The following ATP13A3 variants were observed in gnomAD, a reference collection of about 807,000 sequenced individuals.
The protein encoded by ATP13A3 is ATPase 13A3.
A neutral mutation model predicts 158.1 loss-of-function variants in ATP13A3; 59 were observed. That is an observed-to-expected ratio of 0.37 (90% CI 0.30 to 0.46). The LOEUF is 0.46. ATP13A3 is among the 20% of genes least tolerant of loss of function. The pLI, the probability that ATP13A3 is intolerant of heterozygous loss-of-function variation, is 1.00. For synonymous variants in ATP13A3, 491 were observed against 504.3 expected (o/e 0.97, Z 0.35); for missense variants, 1,166 against 1,525.2 (o/e 0.76, Z 3.92).
chr3:194,486,371 C>A (rs1030600890), intron 1 of ATP13A3, among the ~76,000 whole-genome samples, 195 bp downstream of exon 1: 2 of 151,890 alleles, frequency 1.3e-5, no homozygotes, highest in Non-Finnish European at 2.9e-5. Flanking sequence ...GCGCGTCCCC[C>A]CCAGGCCTTC....
At chr3:194,406,789 A>C (rs1714970981) in intron 33 of ATP13A3, among the ~76,000 whole-genome samples, 1 of 152,200 alleles carries the variant, frequency 6.6e-6, no homozygotes, top group African/African-American at 2.4e-5. Context: ...CGTTTGGTCA[A>C]AATTAGGGCT....
At position 194,421,536 on chromosome 3, in the gene ATP13A3, G is replaced by A. The variant is rs1261535741; in HGVS notation, c.3314-1569C>T. On this transcript the variant is annotated intron_variant, in intron 30 of 33. Transcript: ENST00000645319. ...CCACTCCACTCTAGCCTGGGTGACA[G>A]AGCGAGACTCCATCTCAAAAAAAAA... is the stretch of plus-strand genomic sequence containing the variant. 2.3e-5 allele frequency among the ~76,000 whole-genome samples: 3 copies of A among 129,840 alleles called. No individual in the cohort carries two copies. The Admixed American group carries it at 2.5e-4, about 11-fold the overall frequency. The allele number at this position is 129,840 out of a possible 152,430, so 85.2% of individuals were successfully genotyped here. A position where few individuals can be genotyped will look rare whatever the true frequency, so the allele number is the denominator to read the frequency against.
At chr3:194,472,936 T>C (rs1022578788) in intron 2 of ATP13A3, among the ~76,000 whole-genome samples, 4 of 152,098 alleles carry the variant, frequency 2.6e-5, no homozygotes, top group Non-Finnish European at 5.9e-5. Context: ...CACTTGTAAG[T>C]GGGATCTAAA....
At chr3:194,477,206 T>C (rs900614098) in intron 2 of ATP13A3, among the ~76,000 whole-genome samples, 2 of 152,302 alleles carry the variant, frequency 1.3e-5, no homozygotes, top group African/African-American at 2.4e-5. Context: ...TAAGCTTTGA[T>C]TGTCCCTTCC....
chr3:194,451,208 CTT>C (rs913881252), intron 10 of ATP13A3: 1 of 152,222 alleles, frequency 6.6e-6, no homozygotes, highest in Admixed American at 6.5e-5. Flanking sequence ...GAGGGAACAA[CTT>C]TTAAAGAATG....
Position 194,428,860 on chromosome 3 carries a change from C to T in ATP13A3, c.2932G>A (p.Val978Ile), listed in dbSNP as rs765967051. 5.3e-5 allele frequency: 85 copies of T among 1,594,832 alleles called. 1 individual carries two copies. The Admixed American group carries it at 6.4e-4, about 12-fold the overall frequency. Residue 978 changes from valine to isoleucine, a missense_variant, in exon 28 of 34, where the codon GTA becomes ATA. Coordinates refer to ENST00000645319, the MANE Select transcript of ATP13A3 (RefSeq NM_001367549.1). ...FLFIDLAIIL[V>I]VVFTMSLNPA... is the part of the protein sequence containing the mutation. ...AAATACTCACTTGTAAATACCACTA[C>T]CAAAATGATTGCCAGATCAATGAAG...
chr3:194,476,613 T>C (rs762586773), intron 2 of ATP13A3, among the ~76,000 whole-genome samples: 1 of 152,178 alleles, frequency 6.6e-6, no homozygotes, highest in Non-Finnish European at 1.5e-5. Flanking sequence ...CAGCTTTGCC[T>C]TGATTCAGGT....
rs34952393 is a variant in ATP13A3 at position 194,410,937 on chromosome 3, G to GGTGTGTGTGT, written c.3573+1252_3573+1261dup. ...GGGGGTGGGAGGGTTGGGGTGTTGGGGTGTGTGTGTGTGTGTGTGTGTGTG... is the reference window on the plus strand; with the variant it reads ...GGGGGTGGGAGGGTTGGGGTGTTGGGGTGTGTGTGTGTGTGTGTGTGTGTGTGTGTGTGTG... On this transcript the variant is annotated intron_variant, in intron 33 of 33. Coordinates refer to ENST00000645319, the MANE Select transcript of ATP13A3 (RefSeq NM_001367549.1). Among the ~76,000 whole-genome samples the GGTGTGTGTGT allele has an allele frequency of 1.8e-3, 231 of 127,276 alleles. 1 individual carries two copies. Among genetic ancestry groups the GGTGTGTGTGT allele is most frequent in the African/African-American group, 5.7e-3 (174 of 30,610 alleles). The allele number at this position is 127,276 out of a possible 152,430, so 83.5% of individuals were successfully genotyped here.
In ATP13A3 at chr3:194,403,207, T is replaced by C. The variant is rs1285360494; in HGVS notation, c.*2712A>G. On this transcript the variant is annotated 3_prime_UTR_variant, in exon 34 of 34. Transcript: ENST00000645319. ...AAACTGTGCAGGACTTTCATAAACA[T>C]GGGGAACAAAATAAATAGAGTAAAA... The C allele has an allele frequency of 6.6e-6, 1 of 152,218 alleles. No individual in the cohort carries two copies. Among genetic ancestry groups the C allele is most frequent in the African/African-American group, 2.4e-5 (1 of 41,464 alleles). The allele number at this position is 152,218 out of a possible 1,614,324, so 9.4% of individuals were successfully genotyped here.
chr3:194,443,542 T>C (rs1318015645), intron 15 of ATP13A3, among the ~76,000 whole-genome samples: 1 of 152,086 alleles, frequency 6.6e-6, no homozygotes, highest in Non-Finnish European at 1.5e-5. Flanking sequence ...AAAGCTGGTA[T>C]AGAGCTATAT....
chr3:194,418,132 A>G (rs1716020385), intron 31 of ATP13A3, among the ~76,000 whole-genome samples: 1 of 152,198 alleles, frequency 6.6e-6, no homozygotes. Context: ...TTGCTGAAAC[A>G]AATGGGTATG....
rs186526077 is a variant in ATP13A3 at position 194,417,285 on chromosome 3, G to A, written c.3402+2594C>T. On this transcript the variant is annotated intron_variant, in intron 31 of 33. Coordinates refer to ENST00000645319, the MANE Select transcript of ATP13A3 (RefSeq NM_001367549.1). Reference sequence around the variant, plus strand: ...AGAATAGAAAAAATTAGAGCCAGGCGTTGTGGCAGGTGCCAGCTACTCGTG... The same window carrying A: ...AGAATAGAAAAAATTAGAGCCAGGCATTGTGGCAGGTGCCAGCTACTCGTG... Among the ~76,000 whole-genome samples, 239 of 152,044 alleles carry A rather than the reference G, an allele frequency of 1.6e-3. 1 individual carries two copies. Among genetic ancestry groups the A allele is most frequent in the African/African-American group, 5.4e-3 (225 of 41,448 alleles).
At position 194,438,901 on chromosome 3, in the gene ATP13A3, G is replaced by A. The variant is rs904095807; in HGVS notation, c.1782C>T (p.Pro594=). The A allele has an allele frequency of 6.2e-7, 1 of 1,610,522 alleles. No individual in the cohort carries two copies. Among genetic ancestry groups the A allele is most frequent in the African/African-American group, 1.3e-5 (1 of 74,674 alleles). The change falls in exon 17 of 34, where the codon CCC becomes CCT. Residue 594 remains proline, a synonymous_variant. Coordinates refer to ENST00000645319, the MANE Select transcript of ATP13A3 (RefSeq NM_001367549.1). ...GGGTAGATTCAGGAAGCAGTTGTTT[G>A]GGAGGACGAACCACTGTGGGCATAA... ...NRIMPTVVRP[P]KQLLPESTPA...
intron 14 of ATP13A3, among the ~76,000 whole-genome samples, chr3:194,445,471 G>C (rs1284831210): frequency 6.6e-6 from 1 of 152,164 alleles, no homozygotes; most frequent in Non-Finnish European, 1.5e-5. Flanking sequence ...AATAATGTCT[G>C]ATGCTGTCCC....
At chr3:194,431,973 C>G in intron 21 of ATP13A3, 81 bp from the exon 22 acceptor site, 1 of 1,164,362 alleles carries the variant, frequency 8.6e-7, no homozygotes, top group Non-Finnish European at 1.2e-6. Context: ...TGAGAATCTA[C>G]TACAGTCTCC....
chr3:194,457,229 T>G, intron 6 of ATP13A3, 55 bp from the exon 7 acceptor site: 1 of 1,368,452 alleles, frequency 7.3e-7, no homozygotes, highest in South Asian at 1.2e-5. Flanking sequence ...CCAAATTTCT[T>G]AACGCCTCAT....
intron 23 of ATP13A3, 22 bp from the exon 24 acceptor site, chr3:194,431,044 T>C (rs1354735657): frequency 1.9e-6 from 3 of 1,613,410 alleles, no homozygotes; most frequent in Non-Finnish European, 2.5e-6. Context: ...AATACAAATT[T>C]TTTTAAAATA....
intron 27 of ATP13A3, among the ~76,000 whole-genome samples, chr3:194,429,460 A>G (rs1717059007): frequency 6.6e-6 from 1 of 152,144 alleles, no homozygotes; most frequent in Non-Finnish European, 1.5e-5. Flanking sequence ...CCAAATGCAA[A>G]CCATTCTCCA....
At position 194,455,928 on chromosome 3, in the gene ATP13A3, T is replaced by C. The variant is rs1234007409; in HGVS notation, c.595A>G (p.Lys199Glu). ...AGAAGCTTAAAAACAGAAGGCACTT[T>C]TACAGCAATTTCATTTACTCCATAA... ...LLYGVNEIAV[K>E]VPSVFKLLIK... is the part of the protein sequence containing the mutation. The change falls in exon 8 of 34, where the codon AAA (lysine) becomes GAA (glutamate). Residue 199 changes from lysine (K) to glutamate (E), a missense_variant. Lys to Glu is a moderately conservative substitution (Grantham distance 56, BLOSUM62 1). This residue lies in a region of ATP13A3 where 997 missense variants were observed against 1,341.2 expected (regional missense o/e 0.74). Transcript: ENST00000645319. 2.6e-6 allele frequency: 4 copies of C among 1,554,578 alleles called. No individual in the cohort carries two copies. The highest frequency in any genetic ancestry group is 3.5e-6 in the Non-Finnish European group (4 of 1,142,588).
Sources: allele counts gnomAD v4.1 joint callset (sites outside exome capture counted in the v4.1 genomes callset), GRCh38; gene constraint gnomAD v4.1.1; regional missense constraint gnomAD v4.1.1; transcripts MANE v1.5; gene names NCBI Gene and HGNC (gene_info 2026-07-23, HGNC 2026-07-21).